Variants in ARHGAP26 observed in about 807,000 individuals in gnomAD.
ARHGAP26 encodes rho GTPase-activating protein 26.
A neutral mutation model predicts 104.8 loss-of-function variants in ARHGAP26; 38 were observed. That is an observed-to-expected ratio of 0.36 (90% CI 0.28 to 0.48). ARHGAP26 has a LOEUF of 0.48. ARHGAP26 is among the 20% of genes least tolerant of loss of function. ARHGAP26 has a pLI of 0.99. For synonymous variants in ARHGAP26, 341 were observed against 340.0 expected, an observed-to-expected ratio of 1.00 and a Z score of -0.03; for missense variants, 704 against 947.9, an observed-to-expected ratio of 0.74 and a Z score of 3.38.
intron 1 of ARHGAP26, among the ~76,000 whole-genome samples, chr5:142,812,878 T>A (rs1722247095): frequency 1.3e-5 from 2 of 151,968 alleles, no homozygotes; most frequent in Admixed American, 1.3e-4. Context: ...AGCAATCAAT[T>A]ATCTGTGGGA....
intron 8 of ARHGAP26, among the ~76,000 whole-genome samples, chr5:142,904,953 A>G (rs1474141292): frequency 2.0e-5 from 3 of 152,274 alleles, no homozygotes; most frequent in East Asian, 3.9e-4. Context: ...GTTTGGACTT[A>G]AGTTTCCTGG....
At chr5:142,862,683 C>T (rs770375657) in intron 1 of ARHGAP26, among the ~76,000 whole-genome samples, 1 of 152,188 alleles carries the variant, frequency 6.6e-6, no homozygotes, top group Non-Finnish European at 1.5e-5. Flanking sequence ...AGCAGTCCTT[C>T]CCAATTTCCT....
intron 18 of ARHGAP26, among the ~76,000 whole-genome samples, chr5:143,128,797 C>A (rs1338720852): frequency 1.3e-5 from 2 of 152,208 alleles, no homozygotes; most frequent in African/African-American, 4.8e-5. Context: ...AGTCTCATTT[C>A]TCGTATAAAC....
At chr5:142,875,211 T>G in intron 3 of ARHGAP26, 40 bp downstream of exon 3, 1 of 1,599,236 alleles carries the variant, frequency 6.3e-7, no homozygotes, top group South Asian at 1.1e-5. Context: ...AGATAGTATA[T>G]TCGTGTTGAG....
At chr5:142,963,198 A>ATATATATATATATATATGTGTGTGTGTG (rs869247749) in intron 11 of ARHGAP26, among the ~76,000 whole-genome samples, 3 of 98,328 alleles carry the variant, frequency 3.1e-5, no homozygotes, top group Admixed American at 9.6e-5. Flanking sequence ...ATATATATAT[A>ATATATATATATATATATGTGTGTGTGTG]TGTGTGTGTG....
chr5:142,788,710 T>C (rs967550933), intron 1 of ARHGAP26, among the ~76,000 whole-genome samples: 8 of 152,230 alleles, frequency 5.3e-5, no homozygotes, highest in African/African-American at 1.9e-4. Flanking sequence ...TGGGAGGATG[T>C]GCTTAGGTTA....
At chr5:143,077,511 C>G (rs147910537) in intron 17 of ARHGAP26, among the ~76,000 whole-genome samples, 1 of 152,248 alleles carries the variant, frequency 6.6e-6, no homozygotes, top group Non-Finnish European at 1.5e-5. Flanking sequence ...AACCCTCTGC[C>G]ACAAGCCTCC....
At chr5:143,078,879 C>T (rs940117470) in intron 17 of ARHGAP26, among the ~76,000 whole-genome samples, 2 of 152,170 alleles carry the variant, frequency 1.3e-5, no homozygotes, top group African/African-American at 4.8e-5. Flanking sequence ...CTGGTGAAAC[C>T]GGTGGTTATG....
At chr5:143,178,741 T>C (rs1410139026) in intron 20 of ARHGAP26, among the ~76,000 whole-genome samples, 2 of 152,236 alleles carry the variant, frequency 1.3e-5, no homozygotes, top group African/African-American at 4.8e-5. Context: ...TGTTCATACT[T>C]CGTTTTTCAA....
At chr5:143,131,870 C>T (rs1797392082) in intron 18 of ARHGAP26, among the ~76,000 whole-genome samples, 1 of 151,912 alleles carries the variant, frequency 6.6e-6, no homozygotes, top group South Asian at 2.1e-4. Flanking sequence ...AGGGGATGGC[C>T]AAAATAAACA....
intron 11 of ARHGAP26, among the ~76,000 whole-genome samples, chr5:142,992,058 C>CTT (rs5871832): frequency 9.2e-5 from 14 of 151,756 alleles, no homozygotes; most frequent in East Asian, 1.9e-4. Flanking sequence ...ATAATTAGGA[C>CTT]TTTTTTTTGT....
chr5:142,909,578 C>T (rs1046837860), intron 9 of ARHGAP26, among the ~76,000 whole-genome samples: 5 of 152,192 alleles, frequency 3.3e-5, no homozygotes, highest in Non-Finnish European at 2.9e-5. Context: ...TGAATCAAAG[C>T]AATAACAAAG....
At chr5:143,214,405 C>A (rs921899634) in intron 22 of ARHGAP26, among the ~76,000 whole-genome samples, 1 of 152,212 alleles carries the variant, frequency 6.6e-6, no homozygotes, top group Non-Finnish European at 1.5e-5. Flanking sequence ...AGATCATACA[C>A]ATCACATGTT....
intron 20 of ARHGAP26, among the ~76,000 whole-genome samples, chr5:143,161,576 A>C (rs1801245698): frequency 1.3e-5 from 2 of 152,186 alleles, no homozygotes; most frequent in South Asian, 4.1e-4. Flanking sequence ...ACCTTTATGG[A>C]GATATACTAG....
At chr5:142,916,235 G>A (rs1762470877) in intron 10 of ARHGAP26, among the ~76,000 whole-genome samples, 1 of 152,220 alleles carries the variant, frequency 6.6e-6, no homozygotes, top group Non-Finnish European at 1.5e-5. Context: ...TAGAATATGG[G>A]ATATTGTGGA....
intron 20 of ARHGAP26, among the ~76,000 whole-genome samples, chr5:143,178,585 G>A (rs1803843764): frequency 6.6e-6 from 1 of 152,188 alleles, no homozygotes. Context: ...TGGCTTAGGT[G>A]CCACTATTCA....
chr5:142,869,137 G>A (rs12519983), intron 1 of ARHGAP26, among the ~76,000 whole-genome samples: 5,497 of 151,862 alleles, frequency 0.036, 159 homozygotes, highest in Admixed American at 0.082. Flanking sequence ...CCTGTTGCAA[G>A]TTCTAACCTC....
chr5:143,044,924 G>A (rs1252537118), intron 14 of ARHGAP26, among the ~76,000 whole-genome samples: 1 of 152,086 alleles, frequency 6.6e-6, no homozygotes, highest in East Asian at 1.9e-4. Context: ...AGAATCAACA[G>A]GACTTTTAAC....
intron 17 of ARHGAP26, chr5:143,103,257 T>C: frequency 3.0e-6 from 3 of 984,662 alleles, no homozygotes; most frequent in Non-Finnish European, 3.6e-6. Context: ...ATATCATTAC[T>C]CTTCAAAGAA....
Sources: allele counts gnomAD v4.1 joint callset (sites outside exome capture counted in the v4.1 genomes callset), GRCh38; gene constraint gnomAD v4.1.1; transcripts MANE v1.5; gene names NCBI Gene and HGNC (gene_info 2026-07-23, HGNC 2026-07-21).